The following CCNY variants were observed in gnomAD, a reference collection of about 807,000 sequenced individuals.
The protein encoded by CCNY is cyclin Y, also known as cyclin-Y.
Under a neutral mutation model 42.8 loss-of-function variants are expected in CCNY, and 19 were observed. The ratio of observed to expected loss-of-function variants is 0.44; its 90% confidence interval spans 0.31 to 0.65. The LOEUF is 0.65. Ranked by LOEUF, CCNY falls within the 30% of genes least tolerant of loss-of-function variation. The pLI, the probability that CCNY is intolerant of heterozygous loss-of-function variation, is 0.07. For synonymous variants in CCNY, 165 were observed against 162.7 expected (o/e 1.01, Z -0.11); for missense variants, 370 against 437.3 (o/e 0.85, Z 1.37).
At chr10:35,534,331 C>A (rs546302084) in intron 7 of CCNY, among the ~76,000 whole-genome samples, 3 of 152,212 alleles carry the variant, frequency 2.0e-5, no homozygotes, top group African/African-American at 7.2e-5. Flanking sequence ...CCTGCTTAAG[C>A]TTTCTGAAGG....
intron 1 of CCNY, among the ~76,000 whole-genome samples, chr10:35,362,763 C>T (rs1372010200): frequency 6.6e-6 from 1 of 151,924 alleles, no homozygotes; most frequent in African/African-American, 2.4e-5. Context: ...CAGAGGCGCT[C>T]ATCACATCCC....
At chr10:35,287,457 A>T (rs576738126) in intron 3 of CCNY, among the ~76,000 whole-genome samples, 1 of 152,264 alleles carries the variant, frequency 6.6e-6, no homozygotes, top group South Asian at 2.1e-4. Context: ...TATTTCTATC[A>T]CCCCTAAAAG....
chr10:35,340,387 G>A (rs1377368379), intron 1 of CCNY, among the ~76,000 whole-genome samples: 3 of 152,136 alleles, frequency 2.0e-5, no homozygotes, highest in African/African-American at 7.2e-5. Context: ...GAAAGGGAGG[G>A]AGGGACTAAA....
intron 3 of CCNY, among the ~76,000 whole-genome samples, chr10:35,296,635 G>A (rs1835474937): frequency 6.6e-6 from 1 of 151,966 alleles, no homozygotes; most frequent in Admixed American, 6.6e-5. Flanking sequence ...AATTAGAAAT[G>A]AGAAAGATGA....
At chr10:35,557,458 A>T (rs1043122707) in intron 8 of CCNY, among the ~76,000 whole-genome samples, 1 of 152,184 alleles carries the variant, frequency 6.6e-6, no homozygotes. Context: ...CAGTTGATCA[A>T]AATATAGACA....
intron 3 of CCNY, among the ~76,000 whole-genome samples, chr10:35,312,768 T>TTTG (rs1554775493): frequency 6.8e-6 from 1 of 147,524 alleles, no homozygotes. Flanking sequence ...TTTTTTTTTT[T>TTTG]AGAGTTGGGG....
intron 2 of CCNY, among the ~76,000 whole-genome samples, chr10:35,487,445 C>T (rs2135373363): frequency 6.6e-6 from 1 of 152,172 alleles, no homozygotes; most frequent in African/African-American, 2.4e-5. Context: ...TTCTGCAGAC[C>T]CCACATTCTC....
At chr10:35,366,370 G>GT (rs1836808463) in intron 1 of CCNY, among the ~76,000 whole-genome samples, 1 of 152,230 alleles carries the variant, frequency 6.6e-6, no homozygotes, top group African/African-American at 2.4e-5. Context: ...TAAGAAATGA[G>GT]TTTTTTAAAA....
At chr10:35,514,826 AC>A (rs1172939871) in intron 3 of CCNY, among the ~76,000 whole-genome samples, 1 of 152,130 alleles carries the variant, frequency 6.6e-6, no homozygotes, top group East Asian at 1.9e-4. Flanking sequence ...TTAATTACTG[AC>A]TTTTAATGTT....
At chr10:35,473,444 C>G (rs1839431759) in intron 1 of CCNY, among the ~76,000 whole-genome samples, 1 of 152,016 alleles carries the variant, frequency 6.6e-6, no homozygotes, top group South Asian at 2.1e-4. Context: ...ATTTCAAGAG[C>G]TTGGTGGGAG....
chr10:35,327,066 A>C (rs908724045), intron 3 of CCNY, among the ~76,000 whole-genome samples: 5 of 152,212 alleles, frequency 3.3e-5, no homozygotes, highest in Non-Finnish European at 5.9e-5. Flanking sequence ...AAGATTAATA[A>C]GGGGAAAAGC....
At chr10:35,534,838 G>C (rs917285015) in intron 7 of CCNY, among the ~76,000 whole-genome samples, 1 of 151,842 alleles carries the variant, frequency 6.6e-6, no homozygotes, top group South Asian at 2.1e-4. Context: ...TATCTCATAT[G>C]ATAGTTCATG....
intron 1 of CCNY, among the ~76,000 whole-genome samples, chr10:35,390,840 GA>G (rs1837398477): frequency 6.6e-6 from 1 of 152,196 alleles, no homozygotes; most frequent in South Asian, 2.1e-4. Flanking sequence ...AAATGCTCAA[GA>G]TACATAACAT....
intron 1 of CCNY, among the ~76,000 whole-genome samples, chr10:35,477,536 C>G (rs1839543518): frequency 6.6e-6 from 1 of 151,712 alleles, no homozygotes; most frequent in African/African-American, 2.4e-5. Context: ...AAGACAAAAA[C>G]CACGTGATTA....
intron 3 of CCNY, among the ~76,000 whole-genome samples, chr10:35,329,409 A>AT (rs976621064): frequency 1.3e-5 from 2 of 152,062 alleles, no homozygotes; most frequent in African/African-American, 4.8e-5. Context: ...ATAAAAAAAA[A>AT]TTTTTTCATC....
chr10:35,391,263 C>T lies in CCNY; in HGVS notation c.154+54056C>T, dbSNP rs114066461. 6.0e-3 allele frequency among the ~76,000 whole-genome samples: 920 copies of T among 152,232 alleles called. 14 individuals are homozygous for T. Among genetic ancestry groups the T allele is most frequent in the African/African-American group, 0.021 (870 of 41,538 alleles). On this transcript the variant is annotated intron_variant, in intron 1 of 9. Transcript: ENST00000374704. ...GTTCCCCTATTGGCTAGGGTTGGAC[C>T]GCACAGTTTAAGCCAATTCTGATTG...
chr10:35,309,291 C>T (rs1487625159), intron 3 of CCNY, among the ~76,000 whole-genome samples: 1 of 152,200 alleles, frequency 6.6e-6, no homozygotes, highest in African/African-American at 2.4e-5. Context: ...TCAGCAATCA[C>T]TCAGGTCCTG....
intron 1 of CCNY, among the ~76,000 whole-genome samples, chr10:35,346,607 T>G (rs781510557): frequency 2.0e-5 from 3 of 152,238 alleles, no homozygotes; most frequent in Non-Finnish European, 4.4e-5. Flanking sequence ...TTCACCTTTG[T>G]CAGAAGATGG....
rs185549989 is a variant in CCNY, at chr10:35,350,612, A to G, written c.154+13405A>G. 2.4e-3 allele frequency among the ~76,000 whole-genome samples: 368 copies of G among 152,328 alleles called. 1 individual carries two copies. Among genetic ancestry groups the G allele is most frequent in the African/African-American group, 7.5e-3 (312 of 41,578 alleles). On this transcript the variant is annotated intron_variant, in intron 1 of 9. Transcript: ENST00000374704. Reference sequence around the variant, plus strand: ...GAGGCAGGTGGTGAACTGAACAGGCATTTGATTCAGGGGTCTGGCATTCAA... The same window carrying G: ...GAGGCAGGTGGTGAACTGAACAGGCGTTTGATTCAGGGGTCTGGCATTCAA...
Sources: gnomAD v4.1 joint callset for allele counts (sites outside exome capture counted in the v4.1 genomes callset) on GRCh38, gnomAD v4.1.1 for gene constraint, MANE v1.5 for transcripts, NCBI Gene and HGNC (gene_info 2026-07-23, HGNC 2026-07-21) for gene names.